The following STK32C variants were observed in gnomAD, a reference collection of about 807,000 sequenced individuals.
STK32C encodes serine/threonine-protein kinase 32C.
A neutral mutation model predicts 56.5 loss-of-function variants in STK32C; 31 were observed. That is an observed-to-expected ratio of 0.55 (90% confidence interval 0.41 to 0.74). The LOEUF is 0.74. Ranked by LOEUF, STK32C falls within the 30% of genes least tolerant of loss-of-function variation. The pLI is 0.00. For synonymous variants in STK32C, 309 were observed against 289.4 expected (o/e 1.07, Z -0.69); for missense variants, 544 against 676.9 (o/e 0.80, Z 2.18).
At chr10:132,251,497 C>T (rs570790500) in intron 1 of STK32C, among the ~76,000 whole-genome samples, 1 of 152,236 alleles carries the variant, frequency 6.6e-6, no homozygotes, top group South Asian at 2.1e-4. Flanking sequence ...GCCCTGTGGC[C>T]CTGGGAAGGG....
intron 1 of STK32C, among the ~76,000 whole-genome samples, chr10:132,298,678 G>A (rs376934751): frequency 6.6e-6 from 1 of 152,112 alleles, no homozygotes; most frequent in Admixed American, 6.5e-5. Context: ...GGAGTTGAGC[G>A]CCGTGTGTGG....
Position 132,307,895 on chromosome 10 carries a change from A to T in STK32C, c.-62T>A. The T allele has an allele frequency of 1.8e-6, 2 of 1,126,178 alleles. No individual in the cohort carries two copies. Among genetic ancestry groups the T allele is most frequent in the Non-Finnish European group, 2.2e-6 (2 of 915,944 alleles). 69.8% of individuals were successfully genotyped at this position (1,126,178 alleles called of 1,614,324 possible). On this transcript the variant is annotated 5_prime_UTR_variant, in exon 1 of 12. Coordinates refer to ENST00000298630, the MANE Select transcript of STK32C (RefSeq NM_173575.4). The surrounding 1 kb of genome is among the most constrained non-coding windows in gnomAD (Gnocchi z 4.4). The stretch of plus-strand genomic sequence containing the variant: ...GGCATGGCCGGCCGGCAGGGCCGGG[A>T]GCGGCAGTGGTAGCGGGAGCGCTCG...
chr10:132,224,133 T>C (rs1053370093), intron 8 of STK32C, among the ~76,000 whole-genome samples: 94 of 151,834 alleles, frequency 6.2e-4, no homozygotes, highest in African/African-American at 2.1e-3. Flanking sequence ...ACAAGCCTGC[T>C]GTGAGGGTGC....
At chr10:132,300,739 GCA>G (rs2138365356) in intron 1 of STK32C, among the ~76,000 whole-genome samples, 1 of 152,274 alleles carries the variant, frequency 6.6e-6, no homozygotes, top group South Asian at 2.1e-4. Context: ...AGCGCTCCAG[GCA>G]CAGAGATACC....
chr10:132,298,784 C>T (rs2065831682), intron 1 of STK32C, among the ~76,000 whole-genome samples: 1 of 152,136 alleles, frequency 6.6e-6, no homozygotes, highest in African/African-American at 2.4e-5. Flanking sequence ...CATCCAGGAG[C>T]CACATGGGGA....
Position 132,228,051 on chromosome 10 carries a change from G to A in STK32C, c.396C>T (p.Arg132=), listed in dbSNP as rs746412785. The A allele has an allele frequency of 1.1e-5, 17 of 1,613,878 alleles. No individual in the cohort carries two copies. The highest frequency in any genetic ancestry group is 6.7e-5 in the East Asian group (3 of 44,886). ...CCCGGAAGACGTTGCGGACCTCGTC[G>A]CGCTCGATGCACTGCTGCTTGTTCA... is the stretch of plus-strand genomic sequence containing the variant. The part of the protein sequence containing the change: ...KYMNKQQCIE[R]DEVRNVFREL... The change falls in exon 3 of 12, where the codon CGC becomes CGT. Residue 132 remains arginine, a synonymous_variant. Coordinates refer to ENST00000298630, the MANE Select transcript of STK32C (RefSeq NM_173575.4).
At chr10:132,237,598 G>A (rs1030617382) in intron 2 of STK32C, among the ~76,000 whole-genome samples, 4 of 152,198 alleles carry the variant, frequency 2.6e-5, no homozygotes, top group South Asian at 2.1e-4. Context: ...CAGTGGTGGC[G>A]GAGGTGAACC....
chr10:132,307,572 C>T lies in STK32C; in HGVS notation c.262G>A (p.Val88Met). Reference protein sequence around the residue: ...RRPVFDDKEDVNFDHFQILRA... With the variant: ...RRPVFDDKEDMNFDHFQILRA... ...ACGTCGTCCCCGTGCCCGCACTCAC[C>T]GTCCTCCTTGTCGTCAAACACCGGC... The change falls in exon 1 of 12, where the codon GTG (valine) becomes ATG (methionine). Residue 88 changes from valine (V) to methionine (M), a missense_variant and splice_region_variant. Physicochemically the swap from Val to Met is conservative, Grantham distance 21. This residue lies in a region of STK32C where 182 missense variants were observed against 217.7 expected (regional missense o/e 0.84). Coordinates refer to ENST00000298630, the MANE Select transcript of STK32C (RefSeq NM_173575.4). The surrounding 1 kb of genome is among the most constrained non-coding windows in gnomAD (Gnocchi z 4.4). 1 of 1,539,604 alleles carries T rather than the reference C, an allele frequency of 6.5e-7. No homozygotes were observed. Among genetic ancestry groups the T allele is most frequent in the Non-Finnish European group, 8.7e-7 (1 of 1,143,932 alleles).
At chr10:132,224,329 G>A (rs2062796195) in intron 8 of STK32C, 78 bp downstream of exon 8, 6 of 1,042,636 alleles carry the variant, frequency 5.8e-6, no homozygotes, top group South Asian at 2.7e-5. Context: ...GCACTGGAGG[G>A]GGTGTCCCGA....
chr10:132,277,081 G>C (rs1239858300), intron 1 of STK32C, among the ~76,000 whole-genome samples: 2 of 152,256 alleles, frequency 1.3e-5, no homozygotes, highest in Non-Finnish European at 2.9e-5. Context: ...TCTAGACAGA[G>C]TGTAAGACTC....
chr10:132,331,588 A>G, exon 1 of STK32C: 5 of 1,612,872 alleles, frequency 3.1e-6, no homozygotes, highest in South Asian at 1.1e-5. Context: ...AAGCCCCAGG[A>G]GAGACGCGGG....
At chr10:132,236,291 A>G (rs1389138992) in intron 2 of STK32C, among the ~76,000 whole-genome samples, 3 of 152,212 alleles carry the variant, frequency 2.0e-5, no homozygotes, top group Non-Finnish European at 4.4e-5. Context: ...CGGAGGCCCG[A>G]CTGCCCCGGA....
upstream of STK32C, among the ~76,000 whole-genome samples, chr10:132,312,912 C>T (rs191671482): frequency 6.1e-4 from 93 of 152,270 alleles, 1 homozygote; most frequent in African/African-American, 2.0e-3. Context: ...TGGTGGCACA[C>T]GCCTGTAATA....
In STK32C at chr10:132,295,643, C is replaced by CGG. The variant is rs572214366; in HGVS notation, c.262+11927_262+11928dup. Among the ~76,000 whole-genome samples, 63 of 152,150 alleles carry CGG rather than the reference C, an allele frequency of 4.1e-4. No homozygotes were observed. The East Asian group carries it at 6.8e-3, about 16-fold the overall frequency. On this transcript the variant is annotated intron_variant, in intron 1 of 11. Transcript: ENST00000298630. ...GCTCACGCTTGTAATCCCAGCACTTCGGGGGGCCGAGGAGGGCGGATCACG... is the reference window on the plus strand; with the variant it reads ...GCTCACGCTTGTAATCCCAGCACTTCGGGGGGGGCCGAGGAGGGCGGATCACG...
chr10:132,299,242 C>A (rs1371478249), intron 1 of STK32C, among the ~76,000 whole-genome samples: 1 of 149,078 alleles, frequency 6.7e-6, no homozygotes. Flanking sequence ...CAGGACAAGA[C>A]CCAGCAGCAC....
At chr10:132,254,872 A>T (rs1461933780) in intron 1 of STK32C, among the ~76,000 whole-genome samples, 1 of 152,108 alleles carries the variant, frequency 6.6e-6, no homozygotes, top group Non-Finnish European at 1.5e-5. Flanking sequence ...ATGTCTTTGG[A>T]GGCCCGGGAA....
At chr10:132,276,613 T>C (rs1448872861) in intron 1 of STK32C, among the ~76,000 whole-genome samples, 2 of 126,258 alleles carry the variant, frequency 1.6e-5, no homozygotes, top group Admixed American at 1.5e-4. Context: ...AAGACCCCCA[T>C]CTCTGAAAAA....
chr10:132,230,467 G>T (rs368697664), intron 2 of STK32C, among the ~76,000 whole-genome samples: 1 of 152,230 alleles, frequency 6.6e-6, no homozygotes, highest in African/African-American at 2.4e-5. Flanking sequence ...CCCAGCACCC[G>T]CGGCCTCCTG....
Position 132,307,770 on chromosome 10 carries a change from C to CG in STK32C, c.63dup (p.Gly22ArgfsTer62). 5.0e-6 allele frequency: 5 copies of CG among 995,298 alleles called. No individual in the cohort carries two copies. Among genetic ancestry groups the CG allele is most frequent in the Non-Finnish European group, 4.8e-6 (4 of 838,380 alleles). The allele number at this position is 995,298 out of a possible 1,614,324, so 61.7% of individuals were successfully genotyped here. On this transcript the variant is annotated frameshift_variant, in exon 1 of 12. Transcript: ENST00000298630. LOFTEE classifies it high-confidence loss of function. The surrounding 1 kb of genome is among the most constrained non-coding windows in gnomAD (Gnocchi z 4.4). Reference sequence around the variant, plus strand: ...TCGGAGCCGGCGGGGCGCGCGCGGCCGGGGGGCGGCGAGCCCGGGGACGCC... The same window carrying CG: ...TCGGAGCCGGCGGGGCGCGCGCGGCCGGGGGGGCGGCGAGCCCGGGGACGCC...
Sources: gnomAD v4.1 joint callset for allele counts (sites outside exome capture counted in the v4.1 genomes callset) on GRCh38, gnomAD v4.1.1 for gene constraint, gnomAD v4.1.1 regional missense constraint, Gnocchi (gnomAD v3.1) non-coding constraint, MANE v1.5 for transcripts, NCBI Gene and HGNC (gene_info 2026-07-23, HGNC 2026-07-21) for gene names.